The following ADAMTSL3 variants were observed in gnomAD, a reference collection of about 807,000 sequenced individuals.
The protein encoded by ADAMTSL3 is ADAMTS-like protein 3.
Under a neutral mutation model 201.7 loss-of-function variants are expected in ADAMTSL3, and 128 were observed. That is an observed-to-expected ratio of 0.63 (90% CI 0.55 to 0.73). The LOEUF is 0.73. Among genes scored for constraint, ADAMTSL3 ranks in the 30% least tolerant of loss-of-function variants. The probability of loss-of-function intolerance (pLI) is 0.00; values close to 1 mark genes in which losing one functional copy is unlikely to be tolerated. For synonymous variants in ADAMTSL3, 738 were observed against 748.4 expected (o/e 0.99, Z 0.23); for missense variants, 1,990 against 2,119.6 (o/e 0.94, Z 1.20).
At chr15:83,706,296 G>C (rs2061850258) in intron 3 of ADAMTSL3, among the ~76,000 whole-genome samples, 1 of 152,030 alleles carries the variant, frequency 6.6e-6, no homozygotes, top group Admixed American at 6.6e-5. Flanking sequence ...ATAAAAGCTG[G>C]GAAAAGGGGA....
intron 20 of ADAMTSL3, among the ~76,000 whole-genome samples, chr15:83,972,854 T>A (rs1407044570): frequency 6.6e-6 from 1 of 152,116 alleles, no homozygotes; most frequent in Non-Finnish European, 1.5e-5. Flanking sequence ...TAGGTTCTGC[T>A]TCTACACTTT....
chr15:83,919,253 T>C (rs1385631676), intron 16 of ADAMTSL3, among the ~76,000 whole-genome samples: 1 of 152,052 alleles, frequency 6.6e-6, no homozygotes, highest in Non-Finnish European at 1.5e-5. Flanking sequence ...TTCAGGAGAA[T>C]ACCTATGAGG....
At chr15:84,025,129 C>T (rs1355984153) in intron 26 of ADAMTSL3, 109 bp from the exon 27 acceptor site, 1 of 876,836 alleles carries the variant, frequency 1.1e-6, no homozygotes, top group Non-Finnish European at 1.7e-6. Flanking sequence ...AGACATGTGA[C>T]AGCCTAAGAT....
At chr15:83,995,755 G>A (rs759801957) in intron 23 of ADAMTSL3, among the ~76,000 whole-genome samples, 3 of 152,078 alleles carry the variant, frequency 2.0e-5, no homozygotes, top group African/African-American at 7.2e-5. Flanking sequence ...AAGCAATCCT[G>A]TAGGATTGCT....
chr15:83,895,371 C>T (rs1232227315), intron 13 of ADAMTSL3, among the ~76,000 whole-genome samples: 1 of 152,156 alleles, frequency 6.6e-6, no homozygotes, highest in Non-Finnish European at 1.5e-5. Flanking sequence ...AAGTCCTAGC[C>T]ATATGTTTTA....
At chr15:83,782,187 A>G (rs2063181174) in intron 4 of ADAMTSL3, among the ~76,000 whole-genome samples, 2 of 152,180 alleles carry the variant, frequency 1.3e-5, no homozygotes, top group South Asian at 4.1e-4. Flanking sequence ...CCATCACTTA[A>G]AGACTGGGGT....
intron 4 of ADAMTSL3, among the ~76,000 whole-genome samples, chr15:83,777,775 G>A (rs957457296): frequency 6.6e-6 from 1 of 152,162 alleles, no homozygotes; most frequent in Non-Finnish European, 1.5e-5. Flanking sequence ...GGTTGAGATG[G>A]ATGAAGTGAC....
intron 20 of ADAMTSL3, among the ~76,000 whole-genome samples, chr15:83,979,522 C>A (rs1030747326): frequency 1.3e-5 from 2 of 152,060 alleles, no homozygotes; most frequent in Non-Finnish European, 2.9e-5. Flanking sequence ...GAACAAACAA[C>A]GTTAATATGT....
At chr15:83,708,055 C>T (rs2061878088) in intron 3 of ADAMTSL3, among the ~76,000 whole-genome samples, 1 of 152,222 alleles carries the variant, frequency 6.6e-6, no homozygotes, top group Non-Finnish European at 1.5e-5. Context: ...GTGTGAGTGG[C>T]TGCCAGGGCA....
chr15:83,704,476 G>T lies in ADAMTSL3; in HGVS notation c.157G>T (p.Glu53Ter). ...AAGTTTTCTGGAAGACACAACAGGG[G>T]AGCAGTTCCTCACTTATCGCTATGA... ...QGSFLEDTTG[E>*]QFLTYRYDDQ... The change falls in exon 3 of 30, where the codon GAG becomes TAG. Residue 53 changes from glutamate (E) to a stop codon, truncating the protein, a stop_gained. Transcript: ENST00000286744. LOFTEE classifies it high-confidence loss of function. 6.2e-7 allele frequency: 1 copy of T among 1,614,160 alleles called. No homozygotes were observed. The highest frequency in any genetic ancestry group is 8.5e-7 in the Non-Finnish European group (1 of 1,180,024).
At chr15:83,843,411 G>C (rs116543459) in intron 7 of ADAMTSL3, among the ~76,000 whole-genome samples, 4,950 of 152,252 alleles carry the variant, frequency 0.033, 274 homozygotes, top group African/African-American at 0.11. Flanking sequence ...AGGTAGCAAA[G>C]ATTCCTGCCT....
At chr15:83,985,832 G>A (rs558033282) in intron 21 of ADAMTSL3, among the ~76,000 whole-genome samples, 11 of 152,200 alleles carry the variant, frequency 7.2e-5, no homozygotes, top group Non-Finnish European at 1.3e-4. Context: ...GTTTCACCAT[G>A]TTGGCCAGGT....
Position 83,934,207 on chromosome 15 carries a change from C to T in ADAMTSL3, c.2118-8389C>T, listed in dbSNP as rs977636807. ...GCTGTACCCTGCAAAGCCACAAGGG[C>T]GGAGCTTTCCAAGACCATGGGAGCC... is the stretch of plus-strand genomic sequence containing the variant. On this transcript the variant is annotated intron_variant, in intron 17 of 29. Transcript: ENST00000286744. 2.6e-5 allele frequency among the ~76,000 whole-genome samples: 4 copies of T among 152,286 alleles called. No individual in the cohort carries two copies. In the East Asian group the frequency reaches 5.8e-4, roughly 22 times the overall value.
Position 83,892,923 on chromosome 15 carries a change from C to A in ADAMTSL3, c.1467+35C>A, listed in dbSNP as rs760228432. 8.8e-6 allele frequency: 14 copies of A among 1,584,314 alleles called. No homozygotes were observed. The South Asian group carries it at 1.3e-4, about 15-fold the overall frequency. On this transcript the variant is annotated intron_variant, in intron 13 of 29. Transcript: ENST00000286744. ...GAGAATATGCCACTTTTAATTAATT[C>A]TCATATTTTAAGGGATATTTTCTAT...
At chr15:83,794,229 C>A (rs2063388358) in intron 4 of ADAMTSL3, among the ~76,000 whole-genome samples, 1 of 152,174 alleles carries the variant, frequency 6.6e-6, no homozygotes, top group Non-Finnish European at 1.5e-5. Flanking sequence ...ATGATACAGC[C>A]ATTCTGGAAA....
At chr15:83,757,489 G>C (rs972966267) in intron 3 of ADAMTSL3, among the ~76,000 whole-genome samples, 1 of 152,174 alleles carries the variant, frequency 6.6e-6, no homozygotes, top group African/African-American at 2.4e-5. Context: ...CACACAGCAG[G>C]GGGGCCCTGG....
intron 9 of ADAMTSL3, among the ~76,000 whole-genome samples, chr15:83,881,088 T>C (rs2065261595): frequency 1.3e-5 from 2 of 152,234 alleles, no homozygotes; most frequent in African/African-American, 4.8e-5. Flanking sequence ...TATTTTTGCT[T>C]CTAGATCTTC....
At chr15:83,831,077 A>G (rs530789522) in intron 6 of ADAMTSL3, among the ~76,000 whole-genome samples, 8 of 152,322 alleles carry the variant, frequency 5.3e-5, no homozygotes, top group African/African-American at 1.7e-4. Context: ...TTTTGTGCCA[A>G]TGATTTTTGG....
At chr15:83,719,279 G>T (rs1005028269) in intron 3 of ADAMTSL3, among the ~76,000 whole-genome samples, 2 of 152,084 alleles carry the variant, frequency 1.3e-5, no homozygotes, top group African/African-American at 2.4e-5. Flanking sequence ...AAACTTTACA[G>T]GACAAACAAT....
Sources: gnomAD v4.1 joint callset for allele counts (sites outside exome capture counted in the v4.1 genomes callset) on GRCh38, gnomAD v4.1.1 for gene constraint, MANE v1.5 for transcripts, NCBI Gene and HGNC (gene_info 2026-07-23, HGNC 2026-07-21) for gene names.